FRAS1: variants seen among roughly 807,000 people sequenced by gnomAD.
The protein encoded by FRAS1 is extracellular matrix organizing protein FRAS1.
A neutral mutation model predicts 435.2 loss-of-function variants in FRAS1; 290 were observed. That is an observed-to-expected ratio of 0.67 (90% CI 0.61 to 0.73). FRAS1 has a LOEUF of 0.73. Among genes scored for constraint, FRAS1 ranks in the 30% least tolerant of loss-of-function variants. The probability of loss-of-function intolerance (pLI) is 0.00; values close to 1 mark genes in which losing one functional copy is unlikely to be tolerated. For missense variants in FRAS1, 4,860 were observed against 5,001.5 expected (o/e 0.97, Z 0.85); for synonymous variants, 1,800 against 1,851.0 (o/e 0.97, Z 0.71).
intron 2 of FRAS1, among the ~76,000 whole-genome samples, chr4:78,191,852 C>A (rs1722551099): frequency 6.6e-6 from 1 of 152,116 alleles, no homozygotes. Flanking sequence ...TCATCCATGT[C>A]CCTACAAAGG....
chr4:78,541,099 A>G lies in FRAS1; in HGVS notation c.12014A>G (p.Asn4005Ser), dbSNP rs747460628. ...AATCTAGAAGTCAGAGTTCACAACA[A>G]TTTACAAGATGGAACAGAAGTTTAA... ...RLNLEVRVHN[N>S]LQDGTEV Residue 4005 changes from asparagine to serine, a missense_variant, in exon 74 of 74, where the codon AAT becomes AGT. Coordinates refer to ENST00000512123, the MANE Select transcript of FRAS1 (RefSeq NM_025074.7). 8 of 1,382,916 alleles carry G rather than the reference A, an allele frequency of 5.8e-6. No individual in the cohort carries two copies. The highest frequency in any genetic ancestry group is 1.4e-5 in the African/African-American group (1 of 69,340). 85.7% of individuals were successfully genotyped at this position (1,382,916 alleles called of 1,614,324 possible). A position where few individuals can be genotyped will look rare whatever the true frequency, so the allele number is the denominator to read the frequency against.
chr4:78,405,455 A>G (rs1395370732), intron 30 of FRAS1, among the ~76,000 whole-genome samples: 1 of 152,252 alleles, frequency 6.6e-6, no homozygotes, highest in African/African-American at 2.4e-5. Context: ...AAAGAAAACT[A>G]CAGTGAGTTG....
At chr4:78,139,465 G>T (rs867702262) in intron 2 of FRAS1, among the ~76,000 whole-genome samples, 1 of 152,154 alleles carries the variant, frequency 6.6e-6, no homozygotes, top group African/African-American at 2.4e-5. Context: ...ATTTGCAGGA[G>T]ACCTAAGAAC....
chr4:78,231,989 T>A (rs1325923824), intron 2 of FRAS1, among the ~76,000 whole-genome samples: 1 of 152,184 alleles, frequency 6.6e-6, no homozygotes, highest in Non-Finnish European at 1.5e-5. Context: ...GCTGAATGTG[T>A]TAGATTGGAA....
chr4:78,255,343 A>C lies in FRAS1; in HGVS notation c.571A>C (p.Thr191Pro), dbSNP rs1725743129. ...LCRNGVAQCF[T>P]AQCQPLFCNQ... is the part of the protein sequence containing the mutation. Reference sequence around the variant, plus strand: ...TAGAAATGGGGTTGCCCAGTGCTTCACAGCTCAGTGTCAGCCTCTATTTTG... The same window carrying C: ...TAGAAATGGGGTTGCCCAGTGCTTCCCAGCTCAGTGTCAGCCTCTATTTTG... The change falls in exon 6 of 74, where the codon ACA becomes CCA. Residue 191 changes from threonine (T) to proline (P), a missense_variant. By Grantham distance (38) the Thr-to-Pro change is conservative. Coordinates refer to ENST00000512123, the MANE Select transcript of FRAS1 (RefSeq NM_025074.7). The C allele has an allele frequency of 1.9e-6, 3 of 1,589,804 alleles. No individual in the cohort carries two copies. In the East Asian group the frequency reaches 6.8e-5, roughly 36 times the overall value.
At chr4:78,423,869 C>T (rs1185785490) in intron 34 of FRAS1, among the ~76,000 whole-genome samples, 3 of 152,102 alleles carry the variant, frequency 2.0e-5, no homozygotes, top group African/African-American at 4.8e-5. Context: ...ACATGTCAGC[C>T]GTGGTTGAAG....
At chr4:78,440,112 G>A (rs1432183990) in intron 40 of FRAS1, among the ~76,000 whole-genome samples, 1 of 145,428 alleles carries the variant, frequency 6.9e-6, no homozygotes, top group South Asian at 2.2e-4. Flanking sequence ...CTCACTGCAA[G>A]CTCCGCTTCC....
At chr4:78,442,800 C>A (rs1299921236) in intron 41 of FRAS1, among the ~76,000 whole-genome samples, 1 of 152,178 alleles carries the variant, frequency 6.6e-6, no homozygotes. Flanking sequence ...CCCAGAGTTC[C>A]TGTTTTAGGA....
intron 2 of FRAS1, 98 bp downstream of exon 2, chr4:78,066,114 T>C: frequency 3.6e-6 from 3 of 844,240 alleles, no homozygotes; most frequent in African/African-American, 1.7e-5. Flanking sequence ...TTGTAGAATA[T>C]GTTTATTTTT....
At chr4:78,286,324 G>C in intron 13 of FRAS1, 81 bp from the exon 14 acceptor site, 1 of 1,527,652 alleles carries the variant, frequency 6.5e-7, no homozygotes, top group Non-Finnish European at 9.0e-7. Context: ...AGATTGGGCT[G>C]TGTAAGCACT....
chr4:78,334,138 G>C (rs1184318250), intron 19 of FRAS1, among the ~76,000 whole-genome samples: 1 of 152,116 alleles, frequency 6.6e-6, no homozygotes, highest in Non-Finnish European at 1.5e-5. Context: ...TTATTAAAAA[G>C]ATATGTGCTC....
chr4:78,101,852 A>T (rs944543575), intron 2 of FRAS1, among the ~76,000 whole-genome samples: 1 of 152,198 alleles, frequency 6.6e-6, no homozygotes, highest in Non-Finnish European at 1.5e-5. Flanking sequence ...GAGCAAGTAC[A>T]TCCATCGAGG....
intron 1 of FRAS1, among the ~76,000 whole-genome samples, chr4:78,060,753 C>T (rs562512294): frequency 1.2e-4 from 19 of 152,280 alleles, no homozygotes; most frequent in African/African-American, 3.4e-4. Context: ...CTCTAAGATA[C>T]TTTGGCTAAT....
At chr4:78,358,162 GGAGTA>G (rs1465544293) in intron 20 of FRAS1, among the ~76,000 whole-genome samples, 1 of 106,208 alleles carries the variant, frequency 9.4e-6, no homozygotes, top group East Asian at 2.2e-4. Context: ...GAAAATTATA[GGAGTA>G]TAGTAGCCAT....
At chr4:78,064,824 T>A (rs1342167075) in intron 1 of FRAS1, among the ~76,000 whole-genome samples, 2 of 151,828 alleles carry the variant, frequency 1.3e-5, no homozygotes, top group Non-Finnish European at 2.9e-5. Context: ...AGCACTGTGG[T>A]AAAATAATGT....
intron 61 of FRAS1, 64 bp from the exon 62 acceptor site, chr4:78,507,357 G>GCA (rs1381780912): frequency 3.6e-6 from 5 of 1,393,066 alleles, no homozygotes; most frequent in Non-Finnish European, 4.9e-6. Context: ...GTGCCAAGCT[G>GCA]CACTCTCTTG....
rs376124361 is a variant in FRAS1 at position 78,284,455 on chromosome 4, G to A, written c.1306G>A (p.Asp436Asn). 6 of 1,613,722 alleles carry A rather than the reference G, an allele frequency of 3.7e-6. No homozygotes were observed. In the African/African-American group the frequency reaches 8.0e-5, roughly 22 times the overall value. ...ATGCTCTCAGTCTCCAGACCACTGT[G>A]ACCTCTGCCAAGATCCTACCAAGTT... ...LTCSQSPDHC[D>N]LCQDPTKLLQ... The change falls in exon 13 of 74, where the codon GAC becomes AAC. Residue 436 changes from aspartate to asparagine, a missense_variant. Transcript: ENST00000512123.
At chr4:78,373,422 C>G (rs1324838004) in intron 24 of FRAS1, among the ~76,000 whole-genome samples, 1 of 149,426 alleles carries the variant, frequency 6.7e-6, no homozygotes, top group Non-Finnish European at 1.5e-5. Context: ...GACATTTCAG[C>G]AAAACAGTAC....
At chr4:78,324,769 G>T (rs1729653685) in intron 18 of FRAS1, among the ~76,000 whole-genome samples, 2 of 124,448 alleles carry the variant, frequency 1.6e-5, no homozygotes, top group Non-Finnish European at 3.2e-5. Flanking sequence ...TTAATTCCAG[G>T]CCAGGCCATC....
Sources: gnomAD v4.1 joint callset for allele counts (sites outside exome capture counted in the v4.1 genomes callset) on GRCh38, gnomAD v4.1.1 for gene constraint, MANE v1.5 for transcripts, NCBI Gene and HGNC (gene_info 2026-07-23, HGNC 2026-07-21) for gene names.